IGBP1C: variants seen among roughly 807,000 people sequenced by gnomAD.
The protein encoded by IGBP1C is immunoglobulin-binding protein 1 family member C.
the IGBP1C span, among the ~76,000 whole-genome samples, chr17:58,674,913 G>A: frequency 1.3e-4 from 20 of 150,846 alleles, no homozygotes; most frequent in Admixed American, 1.3e-3. Context: ...GGGAGGCTGA[G>A]GGGGGGTGCA....
the IGBP1C span, among the ~76,000 whole-genome samples, chr17:58,680,448 T>C: frequency 6.6e-6 from 1 of 152,134 alleles, no homozygotes; most frequent in Non-Finnish European, 1.5e-5. Context: ...AATTCTAATT[T>C]TGAATGAAGC....
At chr17:58,688,147 T>G in the IGBP1C span, among the ~76,000 whole-genome samples, 1 of 152,074 alleles carries the variant, frequency 6.6e-6, no homozygotes, top group Non-Finnish European at 1.5e-5. Context: ...TGAGACTGAG[T>G]TTTCCTCTTG....
At chr17:58,682,720 C>G in the IGBP1C span, among the ~76,000 whole-genome samples, 1 of 152,340 alleles carries the variant, frequency 6.6e-6, no homozygotes, top group Admixed American at 6.5e-5. Context: ...TCACAAGTCC[C>G]AGTTTCAATG....
At chr17:58,683,111 G>A in the IGBP1C span, among the ~76,000 whole-genome samples, 5 of 149,008 alleles carry the variant, frequency 3.4e-5, no homozygotes, top group African/African-American at 4.9e-5. Flanking sequence ...GGTGGCTCAC[G>A]CCTGTAATCC....
the IGBP1C span, among the ~76,000 whole-genome samples, chr17:58,675,885 C>T: frequency 6.6e-6 from 1 of 152,150 alleles, no homozygotes; most frequent in Non-Finnish European, 1.5e-5. Flanking sequence ...GCCACTGAGT[C>T]TGGACTTTTT....
chr17:58,684,623 C>T, the IGBP1C span, among the ~76,000 whole-genome samples: 1 of 143,824 alleles, frequency 7.0e-6, no homozygotes, highest in East Asian at 2.0e-4. Context: ...ACAGTGAGAC[C>T]CTGTCTCAAA....
chr17:58,683,052 C>CAAAAAAAAAAAAAAAAA, the IGBP1C span, among the ~76,000 whole-genome samples: 1 of 54,042 alleles, frequency 1.9e-5, no homozygotes, highest in African/African-American at 6.8e-5. Context: ...GAGTCTGTCT[C>CAAAAAAAAAAAAAAAAA]AAAAAAAAAA....
the IGBP1C span, among the ~76,000 whole-genome samples, chr17:58,682,290 C>T: frequency 3.4e-5 from 5 of 148,076 alleles, no homozygotes; most frequent in African/African-American, 5.0e-5. Context: ...CAGAGTCTTA[C>T]TCTGTCGTCC....
chr17:58,674,093 G>A, the IGBP1C span, among the ~76,000 whole-genome samples: 2 of 152,036 alleles, frequency 1.3e-5, no homozygotes, highest in African/African-American at 2.4e-5. Flanking sequence ...GGCCAACATG[G>A]TGAAACCCCA....
the IGBP1C span, among the ~76,000 whole-genome samples, chr17:58,670,126 G>A: frequency 6.6e-6 from 1 of 152,148 alleles, no homozygotes; most frequent in Admixed American, 6.6e-5. Context: ...TTCCCACGCT[G>A]AGCTCCCTCT....
chr17:58,680,082 T>C, the IGBP1C span, among the ~76,000 whole-genome samples: 2 of 89,150 alleles, frequency 2.2e-5, no homozygotes, highest in Non-Finnish European at 3.3e-5. Flanking sequence ...GTCTTTTTTC[T>C]TTTTTTTTCC....
At chr17:58,666,030 C>T in the IGBP1C span, among the ~76,000 whole-genome samples, 56 of 143,362 alleles carry the variant, frequency 3.9e-4, no homozygotes, top group Middle Eastern at 0.012. Context: ...GCCTGGGAGA[C>T]GGCGAGACTC....
the IGBP1C span, among the ~76,000 whole-genome samples, chr17:58,675,968 G>A: frequency 7.9e-5 from 12 of 152,242 alleles, no homozygotes; most frequent in Admixed American, 2.0e-4. Context: ...GCCAGGTGCC[G>A]TGGCTCACAC....
chr17:58,683,520 T>TG, the IGBP1C span, among the ~76,000 whole-genome samples: 1 of 152,040 alleles, frequency 6.6e-6, no homozygotes, highest in Non-Finnish European at 1.5e-5. Context: ...CCCAGCACTT[T>TG]GGGAGGCTGA....
At chr17:58,673,914 A>G in the IGBP1C span, among the ~76,000 whole-genome samples, 3 of 152,146 alleles carry the variant, frequency 2.0e-5, no homozygotes, top group Non-Finnish European at 4.4e-5. Flanking sequence ...TGGGGTAACT[A>G]TATGTAGTTT....
At chr17:58,678,512 C>T in the IGBP1C span, among the ~76,000 whole-genome samples, 1 of 152,114 alleles carries the variant, frequency 6.6e-6, no homozygotes, top group Non-Finnish European at 1.5e-5. Context: ...AGGATGAGTT[C>T]ATGTCCTTTG....
the IGBP1C span, among the ~76,000 whole-genome samples, chr17:58,691,263 A>G: frequency 7.2e-5 from 11 of 152,188 alleles, no homozygotes; most frequent in Admixed American, 5.9e-4. Context: ...GGGATTTGCT[A>G]AAGTGCTCAA....
chr17:58,677,119 CAAAAAA>C, the IGBP1C span, among the ~76,000 whole-genome samples: 37 of 78,624 alleles, frequency 4.7e-4, no homozygotes, highest in African/African-American at 1.7e-3. Context: ...AACTCCGTCT[CAAAAAA>C]AAAAAAAAAA....
At chr17:58,677,565 A>T in the IGBP1C span, 1 of 152,236 alleles carries the variant, frequency 6.6e-6, no homozygotes, top group African/African-American at 2.4e-5. Flanking sequence ...CATTTGACAA[A>T]GAATAACACA....
Sources: gnomAD v4.1 joint callset for allele counts (sites outside exome capture counted in the v4.1 genomes callset) on GRCh38, gnomAD v4.1.1 for gene constraint, MANE v1.5 for transcripts, NCBI Gene and HGNC (gene_info 2026-07-23, HGNC 2026-07-21) for gene names.